TMEM156: variants seen among roughly 807,000 people sequenced by gnomAD.
TMEM156 encodes the protein transmembrane protein 156.
TMEM156 carries 28 observed loss-of-function variants against 30.5 expected under a neutral mutation model. The ratio of observed to expected loss-of-function variants is 0.92; its 90% confidence interval spans 0.68 to 1.26. The LOEUF (loss-of-function observed/expected upper bound fraction) is 1.26, where lower values mean the gene tolerates loss of function less well. Among genes scored for constraint, TMEM156 ranks in the 50% most tolerant of loss-of-function variants. TMEM156 has a pLI of 0.00. For synonymous variants in TMEM156, 137 were observed against 119.9 expected (o/e 1.14, Z -0.93); for missense variants, 351 against 340.6 (o/e 1.03, Z -0.24).
intron 6 of TMEM156, among the ~76,000 whole-genome samples, chr4:38,968,041 C>T (rs1722426036): frequency 6.6e-6 from 1 of 152,210 alleles, no homozygotes; most frequent in Non-Finnish European, 1.5e-5. Flanking sequence ...CAGTTATTCT[C>T]CCTTTTCAGG....
chr4:39,005,769 A>C (rs1263241351), intron 1 of TMEM156, among the ~76,000 whole-genome samples: 1 of 152,212 alleles, frequency 6.6e-6, no homozygotes, highest in Non-Finnish European at 1.5e-5. Context: ...AAATTGATGA[A>C]CATGTCTTTA....
At chr4:39,023,567 G>C (rs1031529488) in intron 1 of TMEM156, among the ~76,000 whole-genome samples, 3 of 152,204 alleles carry the variant, frequency 2.0e-5, no homozygotes, top group Admixed American at 6.5e-5. Flanking sequence ...ACCAGGCCAG[G>C]CATGGTGGCT....
At chr4:39,032,008 T>C (rs1715552415) in intron 1 of TMEM156, among the ~76,000 whole-genome samples, 1 of 152,210 alleles carries the variant, frequency 6.6e-6, no homozygotes, top group Admixed American at 6.5e-5. Context: ...TTAAATATTT[T>C]CATTTTTAGG....
intron 5 of TMEM156, among the ~76,000 whole-genome samples, chr4:38,975,352 T>C (rs981360076): frequency 1.1e-4 from 16 of 151,558 alleles, no homozygotes; most frequent in African/African-American, 2.9e-4. Context: ...TTCCTAGCAG[T>C]CTGTGATTTT....
intron 1 of TMEM156, among the ~76,000 whole-genome samples, chr4:39,018,574 T>G (rs3860068): frequency 0.41 from 62,852 of 152,042 alleles, 13,039 homozygotes; most frequent in Admixed American, 0.51. Flanking sequence ...AATATACATC[T>G]CACCAATTCT....
chr4:38,971,603 T>C (rs1265544956), intron 5 of TMEM156, among the ~76,000 whole-genome samples: 3 of 152,226 alleles, frequency 2.0e-5, no homozygotes, highest in African/African-American at 7.2e-5. Flanking sequence ...AAAATTCTTC[T>C]AATATTATCC....
intron 5 of TMEM156, among the ~76,000 whole-genome samples, chr4:38,982,123 A>G (rs1711608338): frequency 6.6e-6 from 1 of 152,172 alleles, no homozygotes; most frequent in Non-Finnish European, 1.5e-5. Context: ...GGCCAGAATA[A>G]AAGCAGGCAG....
intron 5 of TMEM156, among the ~76,000 whole-genome samples, chr4:38,976,737 T>C (rs1327618865): frequency 6.6e-6 from 1 of 152,232 alleles, no homozygotes; most frequent in Non-Finnish European, 1.5e-5. Flanking sequence ...TGCAGATCTA[T>C]TGAATTAAGA....
rs141095630 is a variant in TMEM156, at chr4:39,032,226, C to A, written c.88G>T (p.Glu30Ter). The A allele has an allele frequency of 8.9e-6, 14 of 1,579,900 alleles. No homozygotes were observed. The highest frequency in any genetic ancestry group is 2.7e-5 in the African/African-American group (2 of 74,196). ...ILPEYFKTPK[E>*]RTLELSCLEV... ...AGCTAGATTACAATTATATACTCACCTTTCGGTGTCTTGAAATATTCCGGC... is the reference window on the plus strand; with the variant it reads ...AGCTAGATTACAATTATATACTCACATTTCGGTGTCTTGAAATATTCCGGC... Residue 30 changes from glutamate to a stop codon, truncating the protein, a stop_gained and splice_region_variant, in exon 1 of 7, where the codon GAA becomes TAA. Coordinates refer to ENST00000381938, the MANE Select transcript of TMEM156 (RefSeq NM_024943.3). LOFTEE classifies it high-confidence loss of function.
intron 1 of TMEM156, among the ~76,000 whole-genome samples, chr4:39,018,814 A>G (rs1211697944): frequency 2.6e-5 from 4 of 152,146 alleles, no homozygotes; most frequent in Non-Finnish European, 5.9e-5. Context: ...TTAGGTCAAG[A>G]GTTCGAGACC....
chr4:38,982,555 CT>C (rs1711664351), intron 5 of TMEM156, among the ~76,000 whole-genome samples: 1 of 152,160 alleles, frequency 6.6e-6, no homozygotes. Context: ...CTCATCCGCT[CT>C]TTTTACTCTA....
At chr4:38,971,212 A>T in intron 5 of TMEM156, 75 bp from the exon 6 acceptor site, 6 of 1,358,716 alleles carry the variant, frequency 4.4e-6, no homozygotes, top group South Asian at 1.2e-5. Flanking sequence ...CTAATGTAGT[A>T]AGAGTAGCAA....
At chr4:39,002,598 G>A (rs1204481844) in intron 1 of TMEM156, among the ~76,000 whole-genome samples, 8 of 146,656 alleles carry the variant, frequency 5.5e-5, no homozygotes, top group Non-Finnish European at 1.1e-4. Flanking sequence ...TGTTTATTGA[G>A]GCATTATTCA....
chr4:39,010,785 T>G (rs912496655), intron 1 of TMEM156, among the ~76,000 whole-genome samples: 1 of 152,200 alleles, frequency 6.6e-6, no homozygotes. Context: ...AAGATCTAAA[T>G]GTAAGACCTC....
rs148432461 is a variant in TMEM156, at chr4:38,984,811, C to T, written c.823+1525G>A. 1.1e-4 allele frequency among the ~76,000 whole-genome samples: 16 copies of T among 152,240 alleles called. No individual in the cohort carries two copies. In the East Asian group the frequency reaches 3.1e-3, roughly 29 times the overall value. On this transcript the variant is annotated intron_variant, in intron 5 of 6. Transcript: ENST00000381938. ...CCATCACCCCTTGACCTACACTAAA[C>T]ATTAATATTATATACCTGGTAATAA...
chr4:38,990,830 G>GTTTTTTTTTTTT (rs71304784), intron 3 of TMEM156, among the ~76,000 whole-genome samples: 7 of 81,212 alleles, frequency 8.6e-5, no homozygotes, highest in East Asian at 8.8e-4. Flanking sequence ...TTGTTTTCTG[G>GTTTTTTTTTTTT]TTTTTTTTTT....
At chr4:38,985,543 C>T (rs1286300755) in intron 5 of TMEM156, among the ~76,000 whole-genome samples, 5 of 152,120 alleles carry the variant, frequency 3.3e-5, no homozygotes, top group African/African-American at 4.8e-5. Flanking sequence ...GAGGTTTGCT[C>T]GGCATCCTCC....
chr4:38,990,831 T>TTTC (rs143851283), intron 3 of TMEM156, among the ~76,000 whole-genome samples: 26,506 of 78,874 alleles, frequency 0.34, 3,625 homozygotes, highest in East Asian at 0.49. Flanking sequence ...TGTTTTCTGG[T>TTTC]TTTTTTTTTT....
At chr4:39,006,094 C>A (rs1209242025) in intron 1 of TMEM156, among the ~76,000 whole-genome samples, 6 of 152,098 alleles carry the variant, frequency 3.9e-5, no homozygotes, top group Non-Finnish European at 8.8e-5. Context: ...TGAAGTTTCA[C>A]AATATTGGCC....
Sources: gnomAD v4.1 joint callset for allele counts (sites outside exome capture counted in the v4.1 genomes callset) on GRCh38, gnomAD v4.1.1 for gene constraint, MANE v1.5 for transcripts, NCBI Gene and HGNC (gene_info 2026-07-23, HGNC 2026-07-21) for gene names.